ATOSA: variants seen among roughly 807,000 people sequenced by gnomAD.
The protein encoded by ATOSA is atos homolog A.
the ATOSA span, among the ~76,000 whole-genome samples, chr15:52,696,983 C>G: frequency 2.6e-5 from 4 of 152,014 alleles, no homozygotes; most frequent in Non-Finnish European, 5.9e-5. Context: ...CTATTCAGAC[C>G]TGATCTTATT....
chr15:52,694,523 A>G, the ATOSA span, among the ~76,000 whole-genome samples: 3 of 152,100 alleles, frequency 2.0e-5, no homozygotes, highest in Non-Finnish European at 4.4e-5. Context: ...TACCATTTCT[A>G]CTTTGAGACT....
the ATOSA span, among the ~76,000 whole-genome samples, chr15:52,636,256 C>G: frequency 0.25 from 37,606 of 151,340 alleles, 6,254 homozygotes; most frequent in East Asian, 0.85. Flanking sequence ...TAAGAGATAT[C>G]TGGAAAACCT....
At chr15:52,616,403 C>A in the ATOSA span, among the ~76,000 whole-genome samples, 1 of 152,288 alleles carries the variant, frequency 6.6e-6, no homozygotes, top group African/African-American at 2.4e-5. Context: ...TAACAGTGGC[C>A]ATTGCCAAGA....
At chr15:52,602,773 G>A in the ATOSA span, among the ~76,000 whole-genome samples, 1 of 152,144 alleles carries the variant, frequency 6.6e-6, no homozygotes, top group South Asian at 2.1e-4. Context: ...AGTCTTCCCT[G>A]TGCCTGGCTT....
At chr15:52,685,853 G>A in the ATOSA span, among the ~76,000 whole-genome samples, 6 of 152,002 alleles carry the variant, frequency 3.9e-5, 1 homozygote, top group South Asian at 4.1e-4. Flanking sequence ...GCCTACAGCC[G>A]CCCATCACCA....
chr15:52,604,366 T>A, the ATOSA span, among the ~76,000 whole-genome samples: 1 of 152,260 alleles, frequency 6.6e-6, no homozygotes, highest in African/African-American at 2.4e-5. Context: ...AAATTCTACA[T>A]CTATTGTTCA....
the ATOSA span, among the ~76,000 whole-genome samples, chr15:52,614,274 T>G: frequency 2.6e-5 from 4 of 151,592 alleles, no homozygotes; most frequent in African/African-American, 9.7e-5. Flanking sequence ...CATGGCTATT[T>G]TTTGTATTTT....
the ATOSA span, among the ~76,000 whole-genome samples, chr15:52,615,243 T>G: frequency 1.3e-5 from 2 of 152,220 alleles, no homozygotes; most frequent in Admixed American, 1.3e-4. Flanking sequence ...TTTTTTCACG[T>G]AGTTATGGTA....
the ATOSA span, among the ~76,000 whole-genome samples, chr15:52,630,592 G>A: frequency 1.3e-5 from 2 of 152,116 alleles, no homozygotes; most frequent in African/African-American, 4.8e-5. Context: ...TGCTAGTAAA[G>A]GTACACACTG....
At chr15:52,697,303 C>T in the ATOSA span, among the ~76,000 whole-genome samples, 88 of 152,304 alleles carry the variant, frequency 5.8e-4, no homozygotes, top group East Asian at 0.014. Context: ...CCTTCTCAGG[C>T]CAAATGAGTT....
the ATOSA span, chr15:52,608,472 G>A: frequency 8.1e-7 from 1 of 1,236,130 alleles, no homozygotes; most frequent in Non-Finnish European, 1.1e-6. Context: ...TATAGATAAT[G>A]GAACCTTGGG....
At chr15:52,599,679 AT>A in the ATOSA span, among the ~76,000 whole-genome samples, 1 of 152,230 alleles carries the variant, frequency 6.6e-6, no homozygotes, top group Admixed American at 6.5e-5. Flanking sequence ...TTTTTAAAAA[AT>A]AACCTTGTTA....
the ATOSA span, among the ~76,000 whole-genome samples, chr15:52,664,590 C>T: frequency 6.6e-6 from 1 of 152,202 alleles, no homozygotes; most frequent in South Asian, 2.1e-4. Flanking sequence ...CAGCTCCAAA[C>T]CCATGTTCTT....
chr15:52,601,132 C>A, the ATOSA span: 1 of 1,543,466 alleles, frequency 6.5e-7, no homozygotes, highest in East Asian at 2.4e-5. Flanking sequence ...GAATCCAGAT[C>A]AAAGCAACCT....
chr15:52,689,133 T>C, the ATOSA span, among the ~76,000 whole-genome samples: 3 of 152,168 alleles, frequency 2.0e-5, no homozygotes, highest in Admixed American at 6.5e-5. Flanking sequence ...TTATCCATGA[T>C]CTCGGTGTGT....
chr15:52,656,034 T>A, the ATOSA span: 1 of 151,838 alleles, frequency 6.6e-6, no homozygotes, highest in Admixed American at 6.6e-5. Flanking sequence ...CACACACAAA[T>A]AACAGCAATA....
chr15:52,611,417 C>A, the ATOSA span, among the ~76,000 whole-genome samples: 1 of 152,286 alleles, frequency 6.6e-6, no homozygotes, highest in South Asian at 2.1e-4. Context: ...TTACTAAATG[C>A]AAGTACTATA....
chr15:52,655,115 AT>A, the ATOSA span, among the ~76,000 whole-genome samples: 2 of 152,150 alleles, frequency 1.3e-5, no homozygotes, highest in Admixed American at 1.3e-4. Flanking sequence ...GGATTCAAAC[AT>A]AATGTCTTCC....
the ATOSA span, chr15:52,609,980 T>A: frequency 6.2e-7 from 1 of 1,613,488 alleles, no homozygotes; most frequent in South Asian, 1.1e-5. Context: ...GCTTGAGATG[T>A]CCCATGGTCA....
Sources: allele counts gnomAD v4.1 joint callset (sites outside exome capture counted in the v4.1 genomes callset), GRCh38; gene constraint gnomAD v4.1.1; transcripts MANE v1.5; gene names NCBI Gene and HGNC (gene_info 2026-07-23, HGNC 2026-07-21).